Variants in SMURF1 observed in about 807,000 individuals in gnomAD.
SMURF1 encodes SMAD specific E3 ubiquitin protein ligase 1.
In SMURF1, 44 loss-of-function variants were observed where a neutral mutation model predicts 98.0. The observed-to-expected ratio is 0.45, with a 90% CI of 0.35 to 0.58. The LOEUF is 0.58. Among genes scored for constraint, SMURF1 ranks in the 20% least tolerant of loss-of-function variants. The pLI is 0.00. For synonymous variants in SMURF1, 396 were observed against 374.9 expected (o/e 1.06, Z -0.65); for missense variants, 687 against 938.4 (o/e 0.73, Z 3.50).
At position 99,136,657 on chromosome 7, in the gene SMURF1, A is replaced by C. The variant is rs1797999554; in HGVS notation, c.55+7069T>G. Reference sequence around the variant, plus strand: ...GAATGTTTCCACAATTTCATCATTTAAAGATGATGCTGGCTAGGTGCAGTG... The same window carrying C: ...GAATGTTTCCACAATTTCATCATTTCAAGATGATGCTGGCTAGGTGCAGTG... On this transcript the variant is annotated intron_variant, in intron 1 of 17. Coordinates refer to ENST00000361368, the MANE Select transcript of SMURF1 (RefSeq NM_181349.3). 2.6e-5 allele frequency among the ~76,000 whole-genome samples: 4 copies of C among 152,356 alleles called. No homozygotes were observed. The South Asian group carries it at 8.3e-4, about 32-fold the overall frequency.
In SMURF1 at chr7:99,036,921, T is replaced by G. The variant is rs1795167610; in HGVS notation, c.1809+146A>C. Reference sequence around the variant, plus strand: ...AACACCCTCTACTCCCCACTCTTGCTCCAGCCCTGGCTCTAGTCTGGGAAC... The same window carrying G: ...AACACCCTCTACTCCCCACTCTTGCGCCAGCCCTGGCTCTAGTCTGGGAAC... On this transcript the variant is annotated intron_variant, in intron 15 of 17. Coordinates refer to ENST00000361368, the MANE Select transcript of SMURF1 (RefSeq NM_181349.3). The G allele has an allele frequency of 2.5e-6, 3 of 1,210,660 alleles. No homozygotes were observed. In the South Asian group the frequency reaches 4.2e-5, roughly 17 times the overall value. 75.0% of individuals were successfully genotyped at this position (1,210,660 alleles called of 1,614,324 possible).
At position 99,033,011 on chromosome 7, in the gene SMURF1, C is replaced by T. The variant is rs750759043; in HGVS notation, c.2096+26G>A. 1.4e-5 allele frequency: 22 copies of T among 1,601,126 alleles called. No homozygotes were observed. In the East Asian group the frequency reaches 3.4e-4, roughly 25 times the overall value. ...GCATCCTCTGGGGCTCCCAGGACGCCGTGACTTCCTGGCCGCGGTGCTTAC... is the reference window on the plus strand; with the variant it reads ...GCATCCTCTGGGGCTCCCAGGACGCTGTGACTTCCTGGCCGCGGTGCTTAC... On this transcript the variant is annotated intron_variant, in intron 17 of 17. Coordinates refer to ENST00000361368, the MANE Select transcript of SMURF1 (RefSeq NM_181349.3).
intron 1 of SMURF1, among the ~76,000 whole-genome samples, chr7:99,097,862 T>C (rs1796989095): frequency 6.6e-6 from 1 of 152,216 alleles, no homozygotes; most frequent in African/African-American, 2.4e-5. Context: ...AAAGATTACT[T>C]TCCAAGTACG....
rs200875805 is a variant in SMURF1 at position 99,037,049 on chromosome 7, C to T, written c.1809+18G>A. 121 of 1,613,262 alleles carry T rather than the reference C, an allele frequency of 7.5e-5. No individual in the cohort carries two copies. The highest frequency in any genetic ancestry group is 1.1e-4 in the African/African-American group (8 of 75,032). The stretch of plus-strand genomic sequence containing the variant: ...CCACAGGGACGCCCTGGGTCGACTC[C>T]GCACAGCAGGCACATACCTCCAGTT... On this transcript the variant is annotated intron_variant, in intron 15 of 17. Transcript: ENST00000361368.
chr7:99,129,051 A>T (rs1797804649), intron 1 of SMURF1, among the ~76,000 whole-genome samples: 1 of 152,230 alleles, frequency 6.6e-6, no homozygotes, highest in African/African-American at 2.4e-5. Flanking sequence ...GTTTAAACCA[A>T]GACAGATGGT....
intron 5 of SMURF1, among the ~76,000 whole-genome samples, chr7:99,055,511 T>A: frequency 6.6e-6 from 1 of 151,654 alleles, no homozygotes; most frequent in East Asian, 1.9e-4. Context: ...AATAAGAAGT[T>A]TTTTTGGGGG....
At chr7:99,037,343 T>A (rs1019498788) in intron 14 of SMURF1, among the ~76,000 whole-genome samples, 156 bp from the exon 15 acceptor site, 3 of 152,076 alleles carry the variant, frequency 2.0e-5, no homozygotes, top group African/African-American at 7.2e-5. Context: ...GTTCAAGCAA[T>A]TCTTCTGCCT....
chr7:99,141,245 TC>T (rs1213840640), intron 1 of SMURF1, among the ~76,000 whole-genome samples: 11 of 152,268 alleles, frequency 7.2e-5, no homozygotes, highest in Non-Finnish European at 1.0e-4. Flanking sequence ...AGAAACCAAG[TC>T]CTCCCTTTCA....
At chr7:99,129,978 C>T (rs1310027237) in intron 1 of SMURF1, among the ~76,000 whole-genome samples, 1 of 152,172 alleles carries the variant, frequency 6.6e-6, no homozygotes, top group Non-Finnish European at 1.5e-5. Context: ...GGCTGATAAT[C>T]AACTATCCTA....
intron 1 of SMURF1, among the ~76,000 whole-genome samples, chr7:99,143,143 A>G (rs1467125268): frequency 2.2e-5 from 1 of 46,320 alleles, no homozygotes; most frequent in African/African-American, 9.0e-5. Flanking sequence ...GAAAGTTAGG[A>G]GGCGGGAGCA....
At position 99,100,108 on chromosome 7, in the gene SMURF1, TAAA is replaced by T. The variant is rs10559622; in HGVS notation, c.56-38274_56-38272del. On this transcript the variant is annotated intron_variant, in intron 1 of 17. Transcript: ENST00000361368. ...TCTTAAAACCTTTAGTGGGAAAAGT[TAAA>T]AAAAAAAAAAAAAAAGCTGCAAAGC... Among the ~76,000 whole-genome samples the T allele has an allele frequency of 7.0e-3, 995 of 141,630 alleles. 3 individuals carry two copies. The highest frequency in any genetic ancestry group is 0.02 in the East Asian group (96 of 4,912). The allele number at this position is 141,630 out of a possible 152,430, so 92.9% of individuals were successfully genotyped here.
intron 1 of SMURF1, among the ~76,000 whole-genome samples, chr7:99,114,994 G>T (rs544865448): frequency 1.3e-5 from 2 of 152,048 alleles, no homozygotes; most frequent in Non-Finnish European, 2.9e-5. Context: ...CAAAAGCAGT[G>T]AAGAGAACAA....
chr7:99,035,115 C>G (rs1426298411), intron 16 of SMURF1, among the ~76,000 whole-genome samples: 1 of 152,250 alleles, frequency 6.6e-6, no homozygotes, highest in Non-Finnish European at 1.5e-5. Context: ...TGGTTGGTGG[C>G]TAAACGGGTT....
chr7:99,089,909 TG>T (rs1189237817), intron 1 of SMURF1, among the ~76,000 whole-genome samples: 1 of 152,032 alleles, frequency 6.6e-6, no homozygotes, highest in East Asian at 1.9e-4. Flanking sequence ...CCAAGGAGTG[TG>T]GGGTAGGAGA....
At chr7:99,143,668 G>A (rs1369905145) in intron 1 of SMURF1, 58 bp downstream of exon 1, 2 of 1,458,614 alleles carry the variant, frequency 1.4e-6, no homozygotes, top group African/African-American at 1.5e-5. Flanking sequence ...GCCCTGCGGG[G>A]AATTCCGGGG....
intron 17 of SMURF1, among the ~76,000 whole-genome samples, chr7:99,032,252 ACT>A (rs1261685137): frequency 6.6e-6 from 1 of 152,108 alleles, no homozygotes; most frequent in African/African-American, 2.4e-5. Flanking sequence ...TTCATAAGAG[ACT>A]CTGACAACCT....
chr7:99,096,312 C>G (rs1796955336), intron 1 of SMURF1, among the ~76,000 whole-genome samples: 1 of 152,164 alleles, frequency 6.6e-6, no homozygotes, highest in Non-Finnish European at 1.5e-5. Flanking sequence ...GAACACATGC[C>G]CTGAGCTCAA....
Position 99,101,707 on chromosome 7 carries a change from A to G in SMURF1, c.56-39870T>C, listed in dbSNP as rs535943755. ...GTAATCCCAGCACTTCGGGAGGCCG[A>G]GGCAGGCGGATCGCCTGAGGTCAGG... On this transcript the variant is annotated intron_variant, in intron 1 of 17. Transcript: ENST00000361368. Among the ~76,000 whole-genome samples, 4 of 152,310 alleles carry G rather than the reference A, an allele frequency of 2.6e-5. No homozygotes were observed. In the South Asian group the frequency reaches 6.2e-4, roughly 24 times the overall value.
At chr7:99,112,256 T>C (rs752621316) in intron 1 of SMURF1, among the ~76,000 whole-genome samples, 39 of 152,298 alleles carry the variant, frequency 2.6e-4, no homozygotes, top group Non-Finnish European at 3.2e-4. Flanking sequence ...AAGACAGAGT[T>C]GTAAAATGCC....
Sources: allele counts gnomAD v4.1 joint callset (sites outside exome capture counted in the v4.1 genomes callset), GRCh38; gene constraint gnomAD v4.1.1; transcripts MANE v1.5; gene names NCBI Gene and HGNC (gene_info 2026-07-23, HGNC 2026-07-21).